Variants in HELZ observed in about 807,000 individuals in gnomAD.
HELZ encodes ATP-dependent RNA helicase with zinc finger domain.
HELZ carries 23 observed loss-of-function variants against 218.2 expected under a neutral mutation model. The ratio of observed to expected loss-of-function variants is 0.11; its 90% CI spans 0.08 to 0.15. The LOEUF is 0.15. Ranked by LOEUF, HELZ falls within the 10% of genes least tolerant of loss-of-function variation. The pLI is 1.00. For synonymous variants in HELZ, 814 were observed against 829.4 expected (o/e 0.98, Z 0.32); for missense variants, 1,813 against 2,353.7 (o/e 0.77, Z 4.75).
chr17:67,212,649 GGATT>G (rs2040488630), intron 5 of HELZ, among the ~76,000 whole-genome samples: 1 of 151,982 alleles, frequency 6.6e-6, no homozygotes, highest in Non-Finnish European at 1.5e-5. Flanking sequence ...TACTGCTTTT[GGATT>G]TATTTAAAAA....
chr17:67,086,636 AT>A (rs1374611962), intron 32 of HELZ, among the ~76,000 whole-genome samples, 192 bp downstream of exon 32: 37,330 of 111,526 alleles, frequency 0.33, 6,659 homozygotes, highest in East Asian at 0.71. Flanking sequence ...ATATAAATAT[AT>A]ATATATATAT....
chr17:67,170,405 C>T (rs2039273375), intron 13 of HELZ, among the ~76,000 whole-genome samples: 1 of 152,150 alleles, frequency 6.6e-6, no homozygotes, highest in Non-Finnish European at 1.5e-5. Context: ...ATCCCGGCTA[C>T]TTGGGAGGCT....
chr17:67,135,962 ATAAT>A lies in HELZ; in HGVS notation c.3182+4_3182+7del, dbSNP rs1477805342. On this transcript the variant is annotated splice_donor_5th_base_variant and intron_variant, in intron 23 of 32. Transcript: ENST00000358691. ...CCCTTTAATGTCTCAACATTAACAC[ATAAT>A]TACCTGCATCTTCCAATAGAGCACA... 1 of 1,602,456 alleles carries A rather than the reference ATAAT, an allele frequency of 6.2e-7. No homozygotes were observed. The highest frequency in any genetic ancestry group is 1.1e-5 in the South Asian group (1 of 90,246).
At chr17:67,186,805 A>T (rs778218324) in intron 12 of HELZ, among the ~76,000 whole-genome samples, 1 of 152,208 alleles carries the variant, frequency 6.6e-6, no homozygotes. Context: ...ATTTGAGAGT[A>T]GGAAATGTAT....
Position 67,108,841 on chromosome 17 carries a change from GT to G in HELZ, c.4490-116del, listed in dbSNP as rs2037189813. The G allele has an allele frequency of 1.2e-6, 1 of 859,294 alleles. No homozygotes were observed. The highest frequency in any genetic ancestry group is 1.7e-6 in the Non-Finnish European group (1 of 573,614). 53.2% of individuals were successfully genotyped at this position (859,294 alleles called of 1,614,324 possible). On this transcript the variant is annotated intron_variant, in intron 29 of 32. Coordinates refer to ENST00000358691, the MANE Select transcript of HELZ (RefSeq NM_014877.4). The surrounding 1 kb of genome is among the most constrained non-coding windows in gnomAD (Gnocchi z 4.1). ...GACAAAGGACGTAGCTACAAATTTG[GT>G]TTTGGTAAGAAGTAAATGTTTTCTA... is the stretch of plus-strand genomic sequence containing the variant.
Position 67,190,269 on chromosome 17 carries a change from T to A in HELZ, c.644A>T (p.Tyr215Phe). The stretch of plus-strand genomic sequence containing the variant: ...TTTCAATTTTATCAGCCGTGAAGCA[T>A]ATCTTTTCTGCCATTCTGCTAGTTC... ...QEELAEWQKR[Y>F]ASRLIKLKQQ... is the part of the protein sequence containing the mutation. The change falls in exon 10 of 33, where the codon TAT becomes TTT. Residue 215 changes from tyrosine (Y) to phenylalanine (F), a missense_variant. This residue lies in a region of HELZ where 714 missense variants were observed against 1,029.2 expected (regional missense o/e 0.69). Coordinates refer to ENST00000358691, the MANE Select transcript of HELZ (RefSeq NM_014877.4). 1 of 1,614,028 alleles carries A rather than the reference T, an allele frequency of 6.2e-7. No individual in the cohort carries two copies. Among genetic ancestry groups the A allele is most frequent in the Non-Finnish European group, 8.5e-7 (1 of 1,179,858 alleles).
Position 67,136,052 on chromosome 17 carries a change from G to A in HELZ, c.3100C>T (p.Leu1034Phe). The change falls in exon 23 of 33, where the codon CTC (leucine) becomes TTC (phenylalanine). Residue 1034 changes from leucine (L) to phenylalanine (F), a missense_variant. Coordinates refer to ENST00000358691, the MANE Select transcript of HELZ (RefSeq NM_014877.4). The stretch of plus-strand genomic sequence containing the variant: ...TGTGCTCTTGTGATGGCAGTATTGA[G>A]AAGCTTGTAGTTAGATAAAAAACCA... ...DYGFLSNYKL[L>F]NTAITRAQSL... is the part of the protein sequence containing the mutation. The A allele has an allele frequency of 6.2e-7, 1 of 1,613,956 alleles. No homozygotes were observed. The highest frequency in any genetic ancestry group is 8.5e-7 in the Non-Finnish European group (1 of 1,179,922).
intron 17 of HELZ, among the ~76,000 whole-genome samples, chr17:67,159,053 A>G (rs1405386095): frequency 6.6e-6 from 1 of 152,228 alleles, no homozygotes; most frequent in Non-Finnish European, 1.5e-5. Flanking sequence ...TAAGTGAACA[A>G]AACAACTTAT....
At chr17:67,117,119 G>A (rs1247700911) in intron 27 of HELZ, among the ~76,000 whole-genome samples, 1 of 151,908 alleles carries the variant, frequency 6.6e-6, no homozygotes, top group Non-Finnish European at 1.5e-5. Context: ...CCTCCCAAAG[G>A]GCTGGGATTA....
rs1480323980 is a variant in HELZ at position 67,128,679 on chromosome 17, G to T, written c.3359C>A (p.Thr1120Asn). ...GGGTGGTGATTGCTGCTGTTTGTTG[G>T]TACTTCCTGAATGCTGCAGTCTTAG... ...RALRLQHSGS[T>N]NKQQQSPPKG... is the part of the protein sequence containing the mutation. Residue 1120 changes from threonine (T) to asparagine (N), a missense_variant, in exon 24 of 33, where the codon ACC becomes AAC. By Grantham distance (65) the Thr-to-Asn change is moderately conservative. Transcript: ENST00000358691. The T allele has an allele frequency of 6.2e-7, 1 of 1,613,930 alleles. No individual in the cohort carries two copies. The highest frequency in any genetic ancestry group is 1.3e-5 in the African/African-American group (1 of 74,884).
intron 5 of HELZ, among the ~76,000 whole-genome samples, chr17:67,211,352 A>G (rs973336021): frequency 6.6e-6 from 1 of 152,170 alleles, no homozygotes; most frequent in Non-Finnish European, 1.5e-5. Flanking sequence ...TAATAATAAT[A>G]TTGTGGTTAT....
chr17:67,219,226 G>A (rs974649093), intron 3 of HELZ, among the ~76,000 whole-genome samples: 1 of 152,178 alleles, frequency 6.6e-6, no homozygotes, highest in Non-Finnish European at 1.5e-5. Context: ...CAGTCTCACA[G>A]TTCTGTGACC....
chr17:67,244,511 C>T, intron 1 of HELZ: 1 of 772,266 alleles, frequency 1.3e-6, no homozygotes, highest in Non-Finnish European at 1.6e-6. Context: ...CAAGGAATCT[C>T]CAGGAAAAGA....
In HELZ at chr17:67,244,595, G is replaced by A. The variant is rs1004415241; in HGVS notation, c.-132+553C>T. On this transcript the variant is annotated intron_variant, in intron 1 of 32. Transcript: ENST00000358691. Reference sequence around the variant, plus strand: ...CCGAGGAGGGGGCGGGGAAAGGGGGGAAGAAAGTGAATCTCGGGCCGAGAG... The same window carrying A: ...CCGAGGAGGGGGCGGGGAAAGGGGGAAAGAAAGTGAATCTCGGGCCGAGAG... 28 of 457,548 alleles carry A rather than the reference G, an allele frequency of 6.1e-5. 1 individual carries two copies. In the East Asian group the frequency reaches 1.2e-3, roughly 20 times the overall value. 28.3% of individuals were successfully genotyped at this position (457,548 alleles called of 1,614,324 possible). A position where few individuals can be genotyped will look rare whatever the true frequency, so the allele number is the denominator to read the frequency against.
intron 23 of HELZ, among the ~76,000 whole-genome samples, chr17:67,131,315 CT>C (rs2037976794): frequency 6.6e-6 from 1 of 152,134 alleles, no homozygotes; most frequent in Admixed American, 6.5e-5. Context: ...CTATATCACC[CT>C]CACTGACCTT....
chr17:67,233,397 A>C (rs971888503), intron 3 of HELZ, among the ~76,000 whole-genome samples: 10 of 151,900 alleles, frequency 6.6e-5, no homozygotes, highest in African/African-American at 2.2e-4. Flanking sequence ...TAAAGTCCTC[A>C]CTCCCCAACA....
chr17:67,110,241 T>C (rs1415070900), intron 28 of HELZ, among the ~76,000 whole-genome samples: 1 of 152,100 alleles, frequency 6.6e-6, no homozygotes, highest in East Asian at 1.9e-4. Flanking sequence ...CTAATTTTTG[T>C]ATTTTTAGTA....
chr17:67,209,816 T>A (rs1218067864), intron 5 of HELZ, among the ~76,000 whole-genome samples: 1 of 152,176 alleles, frequency 6.6e-6, no homozygotes, highest in African/African-American at 2.4e-5. Context: ...AATAACATAT[T>A]TCAGAGGGCC....
At chr17:67,223,475 G>T (rs1336523685) in intron 3 of HELZ, among the ~76,000 whole-genome samples, 1 of 152,118 alleles carries the variant, frequency 6.6e-6, no homozygotes, top group Non-Finnish European at 1.5e-5. Context: ...ACTTGGCCGG[G>T]CGTGGTGGCT....
Sources: allele counts gnomAD v4.1 joint callset (sites outside exome capture counted in the v4.1 genomes callset), GRCh38; gene constraint gnomAD v4.1.1; regional missense constraint gnomAD v4.1.1; non-coding constraint Gnocchi (gnomAD v3.1); transcripts MANE v1.5; gene names NCBI Gene and HGNC (gene_info 2026-07-23, HGNC 2026-07-21).